Variants in CCDC38 observed in about 807,000 individuals in gnomAD.
The protein encoded by CCDC38 is coiled-coil domain containing 38, also known as coiled-coil domain-containing protein 38.
CCDC38 carries 69 observed loss-of-function variants against 72.8 expected under a neutral mutation model. The observed-to-expected ratio is 0.95, with a 90% confidence interval of 0.78 to 1.16. The LOEUF (loss-of-function observed/expected upper bound fraction) is 1.16, where lower values mean the gene tolerates loss of function less well. CCDC38 is among the 50% of genes most tolerant of loss of function. The pLI is 0.00. For missense variants in CCDC38, 626 were observed against 638.9 expected (o/e 0.98, Z 0.22); for synonymous variants, 201 against 213.2 (o/e 0.94, Z 0.50).
intron 2 of CCDC38, among the ~76,000 whole-genome samples, chr12:95,923,297 G>A (rs557693215): frequency 4.3e-4 from 65 of 152,122 alleles, no homozygotes; most frequent in Non-Finnish European, 7.5e-4. Flanking sequence ...CCTTCTTATT[G>A]GTTCTGTTTT....
In CCDC38 at chr12:95,895,030, G is replaced by T; in HGVS notation, c.731C>A (p.Ser244Ter). ...IQQALKRAQA[S>*]KSKANIILPK... is the part of the protein sequence containing the mutation. ...AAGGATGATATTTGCTTTACTTTTT[G>T]ATGCCTGTGCTCTTTTTAGTGCTTG... The change falls in exon 8 of 16, where the codon TCA (serine) becomes TAA (stop). Residue 244 changes from serine to a stop codon, truncating the protein, a stop_gained. Transcript: ENST00000344280. LOFTEE classifies it high-confidence loss of function. The T allele has an allele frequency of 6.2e-7, 1 of 1,609,336 alleles. No individual in the cohort carries two copies. The highest frequency in any genetic ancestry group is 1.1e-5 in the South Asian group (1 of 89,694).
At chr12:95,925,685 G>C (rs1271288147) in intron 2 of CCDC38, among the ~76,000 whole-genome samples, 2 of 152,108 alleles carry the variant, frequency 1.3e-5, no homozygotes, top group Non-Finnish European at 2.9e-5. Flanking sequence ...GTTTGTCATA[G>C]ATAGCTCTTA....
intron 12 of CCDC38, among the ~76,000 whole-genome samples, 179 bp from the exon 13 acceptor site, chr12:95,878,525 T>C (rs2079662333): frequency 6.6e-6 from 1 of 152,172 alleles, no homozygotes; most frequent in South Asian, 2.1e-4. Flanking sequence ...ATGAGAAAAA[T>C]ACATGCACAA....
At chr12:95,920,895 G>A (rs1436151610) in intron 2 of CCDC38, among the ~76,000 whole-genome samples, 2 of 152,172 alleles carry the variant, frequency 1.3e-5, no homozygotes, top group African/African-American at 2.4e-5. Flanking sequence ...TTCGGAGGCC[G>A]AGGTGGGTGG....
chr12:95,921,562 C>T lies in CCDC38; in HGVS notation c.38-2586G>A, dbSNP rs530786677. Among the ~76,000 whole-genome samples the T allele has an allele frequency of 3.3e-5, 5 of 152,188 alleles. No homozygotes were observed. In the East Asian group the frequency reaches 9.7e-4, roughly 29 times the overall value. On this transcript the variant is annotated intron_variant, in intron 2 of 15. Transcript: ENST00000344280. The stretch of plus-strand genomic sequence containing the variant: ...ATCAGATCTTGTGAGATCTCACTCA[C>T]TATCACAAGAGCATGGGGGAAAACG...
At chr12:95,889,917 A>G (rs573067144) in intron 9 of CCDC38, among the ~76,000 whole-genome samples, 1 of 151,474 alleles carries the variant, frequency 6.6e-6, no homozygotes, top group African/African-American at 2.4e-5. Flanking sequence ...TTATTTATTT[A>G]TTTATTTGAC....
At chr12:95,870,655 G>A (rs563815310) in intron 14 of CCDC38, among the ~76,000 whole-genome samples, 3 of 152,180 alleles carry the variant, frequency 2.0e-5, no homozygotes, top group African/African-American at 7.2e-5. Context: ...AGTGCTGTTA[G>A]TGTAGTCATA....
Position 95,879,910 on chromosome 12 carries a change from A to G in CCDC38, c.991-115T>C, listed in dbSNP as rs2079680500. 2.8e-6 allele frequency: 2 copies of G among 721,476 alleles called. No homozygotes were observed. Among genetic ancestry groups the G allele is most frequent in the Non-Finnish European group, 4.3e-6 (2 of 460,934 alleles). 44.7% of individuals were successfully genotyped at this position (721,476 alleles called of 1,614,324 possible). A position where few individuals can be genotyped will look rare whatever the true frequency, so the allele number is the denominator to read the frequency against. ...GAAGACAGTTCTAAGGATGAGGGAGACACAGGTAGGAACTTGTATGGGAAA... is the reference window on the plus strand; with the variant it reads ...GAAGACAGTTCTAAGGATGAGGGAGGCACAGGTAGGAACTTGTATGGGAAA... On this transcript the variant is annotated intron_variant, in intron 11 of 15. Transcript: ENST00000344280. This position sits in a 1 kb window ranked among gnomAD's most constrained non-coding sequence, Gnocchi z 5.5.
chr12:95,875,019 G>T (rs1328734792), intron 13 of CCDC38, among the ~76,000 whole-genome samples: 1 of 152,162 alleles, frequency 6.6e-6, no homozygotes, highest in Non-Finnish European at 1.5e-5. Flanking sequence ...TTGAACAGTG[G>T]AGCAGTTTAT....
rs1592771161 is a variant in CCDC38, at chr12:95,894,906, T to C, written c.772+83A>G. On this transcript the variant is annotated intron_variant, in intron 8 of 15. Coordinates refer to ENST00000344280, the MANE Select transcript of CCDC38 (RefSeq NM_182496.3). ...AGTTTAGATCCTGCTTAAAAAAATA[T>C]CTATTTAGATAAAAAACATTGAAGC... The C allele has an allele frequency of 6.2e-6, 7 of 1,125,032 alleles. No homozygotes were observed. In the East Asian group the frequency reaches 1.2e-4, roughly 20 times the overall value. 69.7% of individuals were successfully genotyped at this position (1,125,032 alleles called of 1,614,324 possible). A position where few individuals can be genotyped will look rare whatever the true frequency, so the allele number is the denominator to read the frequency against.
chr12:95,901,389 G>A (rs777090421), intron 5 of CCDC38, among the ~76,000 whole-genome samples: 1 of 152,154 alleles, frequency 6.6e-6, no homozygotes, highest in Admixed American at 6.5e-5. Context: ...TGAACATCTC[G>A]ATGGGAAATG....
rs535818714 is a variant in CCDC38, at chr12:95,869,556, A to G, written c.1502T>C (p.Met501Thr). The stretch of plus-strand genomic sequence containing the variant: ...CTGTTGGTGTCTTTGTTTTTCTTTC[A>G]TTTTCTCATCACGAAACCTGTCACA... ...EWRQKFRDEK[M>T]KEKQRHQQER... The change falls in exon 15 of 16, where the codon ATG (methionine) becomes ACG (threonine). Residue 501 changes from methionine (M) to threonine (T), a missense_variant. Coordinates refer to ENST00000344280, the MANE Select transcript of CCDC38 (RefSeq NM_182496.3). The G allele has an allele frequency of 1.2e-6, 2 of 1,612,688 alleles. No homozygotes were observed. The highest frequency in any genetic ancestry group is 2.2e-5 in the South Asian group (2 of 90,948).
chr12:95,910,292 C>A (rs1488903752), intron 4 of CCDC38, among the ~76,000 whole-genome samples: 1 of 138,830 alleles, frequency 7.2e-6, no homozygotes, highest in African/African-American at 2.7e-5. Flanking sequence ...GAATGCAATC[C>A]CATTTACATT....
intron 7 of CCDC38, among the ~76,000 whole-genome samples, chr12:95,896,798 G>T (rs761285305): frequency 1.8e-4 from 27 of 146,264 alleles, no homozygotes; most frequent in Non-Finnish European, 3.3e-4. Context: ...CTACAGGCTT[G>T]TTTTTCATGA....
intron 1 of CCDC38, among the ~76,000 whole-genome samples, chr12:95,941,124 ATGT>A (rs2080446358): frequency 6.6e-6 from 1 of 152,182 alleles, no homozygotes; most frequent in African/African-American, 2.4e-5. Flanking sequence ...TTATCAGGTA[ATGT>A]TGTCTGTCTG....
At chr12:95,928,829 G>C (rs1347549827) in intron 2 of CCDC38, among the ~76,000 whole-genome samples, 1 of 152,186 alleles carries the variant, frequency 6.6e-6, no homozygotes, top group Admixed American at 6.5e-5. Context: ...CTGCTAGGGG[G>C]TGACTCCCAG....
chr12:95,898,479 A>G lies in CCDC38; in HGVS notation c.534-14T>C. The G allele has an allele frequency of 6.2e-7, 1 of 1,613,866 alleles. No homozygotes were observed. The highest frequency in any genetic ancestry group is 8.5e-7 in the Non-Finnish European group (1 of 1,179,972). ...TCCTGTGCTGCCCTGAAAAGCAATG[A>G]AGATCTGTTAATTTGCTTCTTAGAA... On this transcript the variant is annotated splice_polypyrimidine_tract_variant and intron_variant, in intron 6 of 15. Transcript: ENST00000344280.
chr12:95,912,163 T>G (rs547770748), intron 4 of CCDC38, among the ~76,000 whole-genome samples: 1 of 152,244 alleles, frequency 6.6e-6, no homozygotes, highest in Non-Finnish European at 1.5e-5. Flanking sequence ...GAGCTAAACA[T>G]TGAGTACACA....
intron 4 of CCDC38, 105 bp from the exon 5 acceptor site, chr12:95,906,556 C>A: frequency 2.7e-6 from 2 of 740,408 alleles, no homozygotes; most frequent in South Asian, 3.9e-5. Flanking sequence ...TGTATCTGAT[C>A]TTTTAAAAAT....
Sources: allele counts gnomAD v4.1 joint callset (sites outside exome capture counted in the v4.1 genomes callset), GRCh38; gene constraint gnomAD v4.1.1; non-coding constraint Gnocchi (gnomAD v3.1); transcripts MANE v1.5; gene names NCBI Gene and HGNC (gene_info 2026-07-23, HGNC 2026-07-21).